The following SLC11A1 variants were observed in gnomAD, a reference collection of about 807,000 sequenced individuals.
The protein encoded by SLC11A1 is solute carrier family 11 member 1, also known as natural resistance-associated macrophage protein 1.
In SLC11A1, 59 loss-of-function variants were observed where a neutral mutation model predicts 63.2. That is an observed-to-expected ratio of 0.93 (90% CI 0.76 to 1.16). SLC11A1 has a LOEUF of 1.16. Among genes scored for constraint, SLC11A1 ranks in the 50% most tolerant of loss-of-function variants. The probability of loss-of-function intolerance (pLI) is 0.00; values close to 1 mark genes in which losing one functional copy is unlikely to be tolerated. For synonymous variants in SLC11A1, 305 were observed against 307.8 expected (o/e 0.99, Z 0.09); for missense variants, 688 against 730.7 (o/e 0.94, Z 0.67).
In SLC11A1 at chr2:218,384,283, C is replaced by T. The variant is rs750367937; in HGVS notation, c.191C>T (p.Pro64Leu). The T allele has an allele frequency of 2.1e-5, 33 of 1,608,576 alleles. No individual in the cohort carries two copies. Among genetic ancestry groups the T allele is most frequent in the Admixed American group, 1.0e-4 (6 of 59,768 alleles). The change falls in exon 3 of 15, where the codon CCT becomes CTT. Residue 64 changes from proline (P) to leucine (L), a missense_variant. Coordinates refer to ENST00000233202, the MANE Select transcript of SLC11A1 (RefSeq NM_000578.4). The surrounding 1 kb of genome is among the most constrained non-coding windows in gnomAD (Gnocchi z 4.0). ...SLRKLWAFTG[P>L]GFLMSIAFLD... ...CGGAAGCTATGGGCCTTCACGGGGC[C>T]TGGCTTCCTCATGAGCATTGCTTTC...
At position 218,395,286 on chromosome 2, in the gene SLC11A1, C is replaced by T; in HGVS notation, c.*251C>T. On this transcript the variant is annotated 3_prime_UTR_variant, in exon 15 of 15. Coordinates refer to ENST00000233202, the MANE Select transcript of SLC11A1 (RefSeq NM_000578.4). ...AAGCACTTTAACACAGTGTCTGGCACTTGGGACAAAAACAAACAAACGAAA... is the reference window on the plus strand; with the variant it reads ...AAGCACTTTAACACAGTGTCTGGCATTTGGGACAAAAACAAACAAACGAAA... 2 of 489,636 alleles carry T rather than the reference C, an allele frequency of 4.1e-6. No individual in the cohort carries two copies. The highest frequency in any genetic ancestry group is 7.3e-6 in the Non-Finnish European group (2 of 275,248). The allele number at this position is 489,636 out of a possible 1,614,324, so 30.3% of individuals were successfully genotyped here.
Position 218,386,704 on chromosome 2 carries a change from G to A in SLC11A1, c.463G>A (p.Gly155Ser), listed in dbSNP as rs1287354460. The change falls in exon 5 of 15, where the codon GGC becomes AGC. Residue 155 changes from glycine (G) to serine (S), a missense_variant. Transcript: ENST00000233202. ...IVGSDMQEVI[G>S]TAIAFNLLSA... Reference sequence around the variant, plus strand: ...GGGCTCCGACATGCAGGAAGTCATCGGCACGGCCATTGCATTCAATCTGCT... The same window carrying A: ...GGGCTCCGACATGCAGGAAGTCATCAGCACGGCCATTGCATTCAATCTGCT... 1.2e-5 allele frequency: 20 copies of A among 1,613,954 alleles called. No homozygotes were observed. Among genetic ancestry groups the A allele is most frequent in the African/African-American group, 1.1e-4 (8 of 74,906 alleles).
In SLC11A1 at chr2:218,390,043, C is replaced by A. The variant is rs369300816; in HGVS notation, c.954+15C>A. ...ACCAGGCTGCGGTGAGACACACTTT[C>A]CCCCGCACCTGAGGCCACACACGTA... On this transcript the variant is annotated intron_variant, in intron 9 of 14. Coordinates refer to ENST00000233202, the MANE Select transcript of SLC11A1 (RefSeq NM_000578.4). The A allele has an allele frequency of 1.2e-6, 2 of 1,602,720 alleles. No individual in the cohort carries two copies. Among genetic ancestry groups the A allele is most frequent in the East Asian group, 2.2e-5 (1 of 44,854 alleles).
chr2:218,387,656 C>T (rs747349839), intron 7 of SLC11A1, 24 bp downstream of exon 7: 3 of 1,613,490 alleles, frequency 1.9e-6, no homozygotes, highest in Non-Finnish European at 1.7e-6. Flanking sequence ...GCTGCAACCC[C>T]ACTGTGGACC....
chr2:218,387,537 TGTTTA>T (rs933204267), intron 6 of SLC11A1, 23 bp from the exon 7 acceptor site: 6 of 1,610,660 alleles, frequency 3.7e-6, no homozygotes, highest in Non-Finnish European at 5.1e-6. Flanking sequence ...TTCGTTGGTT[TGTTTA>T]GTTTGTTTGT....
Position 218,393,076 on chromosome 2 carries a change from C to A in SLC11A1, c.1260C>A (p.Asp420Glu). The change falls in exon 12 of 15, where the codon GAC becomes GAA. Residue 420 changes from aspartate (D) to glutamate (E), a missense_variant. Physicochemically the swap from Asp to Glu is conservative, Grantham distance 45 (BLOSUM62 2). Transcript: ENST00000233202. ...LPTVLVAVFR[D>E]LRDLSGLNDL... is the part of the protein sequence containing the mutation. ...CCGTGCTCGTGGCTGTCTTCCGGGA[C>A]CTGAGGGACTTGTCGGGCCTCAATG... 1.3e-6 allele frequency: 2 copies of A among 1,597,984 alleles called. No homozygotes were observed. The highest frequency in any genetic ancestry group is 1.7e-6 in the Non-Finnish European group (2 of 1,176,422).
chr2:218,385,103 AG>A (rs1696010814), intron 3 of SLC11A1, 43 bp from the exon 4 acceptor site: 1 of 1,609,990 alleles, frequency 6.2e-7, no homozygotes, highest in Admixed American at 1.7e-5. Flanking sequence ...GGGCTTTCTG[AG>A]GCTGGCCTCT....
At chr2:218,387,357 C>T in intron 6 of SLC11A1, 127 bp downstream of exon 6, 1 of 1,032,980 alleles carries the variant, frequency 9.7e-7, no homozygotes, top group Non-Finnish European at 1.4e-6. Flanking sequence ...TGGCCTCTAG[C>T]GAGTTACTTG....
intron 10 of SLC11A1, 24 bp downstream of exon 10, chr2:218,391,311 G>GC: frequency 3.1e-6 from 2 of 646,182 alleles, no homozygotes; most frequent in Admixed American, 1.9e-5. Context: ...GGTGGGGAGG[G>GC]CGTGACCCAG....
chr2:218,392,883 G>A, intron 11 of SLC11A1, 98 bp from the exon 12 acceptor site: 3 of 971,886 alleles, frequency 3.1e-6, no homozygotes, highest in African/African-American at 1.7e-5. Context: ...AACAGAGCAT[G>A]CCCCCAGGGA....
At chr2:218,394,891 G>C in intron 14 of SLC11A1, 34 bp from the exon 15 acceptor site, 1 of 1,607,194 alleles carries the variant, frequency 6.2e-7, no homozygotes, top group South Asian at 1.1e-5. Flanking sequence ...AGAGGTCTTG[G>C]CATCTCCCCA....
At chr2:218,386,180 C>T (rs1696086840) in intron 4 of SLC11A1, among the ~76,000 whole-genome samples, 1 of 152,114 alleles carries the variant, frequency 6.6e-6, no homozygotes, top group Non-Finnish European at 1.5e-5. Flanking sequence ...CAGCCTGGGG[C>T]GGTGGCTCAC....
rs148356067 is a variant in SLC11A1 at position 218,394,642 on chromosome 2, G to A, written c.1399G>A (p.Val467Ile). 6.2e-6 allele frequency: 10 copies of A among 1,613,682 alleles called. No homozygotes were observed. The African/African-American group carries it at 9.3e-5, about 15-fold the overall frequency. ...TCTCGTGTCCCCCAGGCTGAACAAG[G>A]TCGTCACCTCTTCCATCATGGTGCT... ...QEFANGLLNK[V>I]VTSSIMVLVC... Residue 467 changes from valine (V) to isoleucine (I), a missense_variant, in exon 14 of 15, where the codon GTC becomes ATC. By Grantham distance (29) the Val-to-Ile change is conservative. Coordinates refer to ENST00000233202, the MANE Select transcript of SLC11A1 (RefSeq NM_000578.4).
Position 218,395,930 on chromosome 2 carries a change from G to A in SLC11A1, c.*895G>A, listed in dbSNP as rs1696730647. The A allele has an allele frequency of 1.3e-5, 2 of 152,460 alleles. No individual in the cohort carries two copies. Among genetic ancestry groups the A allele is most frequent in the African/African-American group, 4.8e-5 (2 of 41,470 alleles). The allele number at this position is 152,460 out of a possible 1,614,324, so 9.4% of individuals were successfully genotyped here. Reference sequence around the variant, plus strand: ...AACCCATTTTCCAGACAGTAAAACGGCGGCGCACTTCTTTCTCCGTCAGGC... The same window carrying A: ...AACCCATTTTCCAGACAGTAAAACGACGGCGCACTTCTTTCTCCGTCAGGC... On this transcript the variant is annotated 3_prime_UTR_variant, in exon 15 of 15. Transcript: ENST00000233202.
In SLC11A1 at chr2:218,387,961, C is replaced by T; in HGVS notation, c.795+6C>T. ...TGCACTCGGCCCTGGTCAAGGTGAG[C>T]AGAGGGGAGGGGAAAGGAGACCCCC... is the stretch of plus-strand genomic sequence containing the variant. On this transcript the variant is annotated splice_donor_region_variant and intron_variant, in intron 8 of 14. Transcript: ENST00000233202. 1 of 1,597,082 alleles carries T rather than the reference C, an allele frequency of 6.3e-7. No homozygotes were observed. Among genetic ancestry groups the T allele is most frequent in the Admixed American group, 1.7e-5 (1 of 58,594 alleles).
intron 7 of SLC11A1, 64 bp from the exon 8 acceptor site, chr2:218,387,736 G>T: frequency 6.2e-7 from 1 of 1,612,080 alleles, no homozygotes; most frequent in South Asian, 1.1e-5. Flanking sequence ...TGGAGGCTGA[G>T]AAATGGTGAC....
chr2:218,391,590 C>G, intron 11 of SLC11A1, 95 bp downstream of exon 11: 2 of 1,279,448 alleles, frequency 1.6e-6, no homozygotes, highest in African/African-American at 3.0e-5. Flanking sequence ...GTCCTCTTTT[C>G]TTTTCTTTCT....
Position 218,387,566 on chromosome 2 carries a change from G to A in SLC11A1, c.573G>A (p.Gly191=). 6.2e-7 allele frequency: 1 copy of A among 1,614,200 alleles called. No individual in the cohort carries two copies. Among genetic ancestry groups the A allele is most frequent in the Non-Finnish European group, 8.5e-7 (1 of 1,180,020 alleles). ...TAGTTTGTTTGTTCTGCTCCGTAGG[G>A]CTGCGGAAGCTGGAAGCTTTTTTTG... is the stretch of plus-strand genomic sequence containing the variant. ...TFFFLFLDNY[G]LRKLEAFFGL... is the part of the protein sequence containing the mutation. Residue 191 remains glycine, a splice_region_variant and synonymous_variant, in exon 7 of 15, where the codon GGG becomes GGA. Transcript: ENST00000233202.
intron 11 of SLC11A1, 194 bp downstream of exon 11, chr2:218,391,689 A>G (rs748809620): frequency 6.2e-6 from 4 of 644,582 alleles, no homozygotes; most frequent in Non-Finnish European, 7.4e-6. Flanking sequence ...CAGTGGCGCG[A>G]TCTCGGCTCA....
Sources: allele counts gnomAD v4.1 joint callset (sites outside exome capture counted in the v4.1 genomes callset), GRCh38; gene constraint gnomAD v4.1.1; non-coding constraint Gnocchi (gnomAD v3.1); transcripts MANE v1.5; gene names NCBI Gene and HGNC (gene_info 2026-07-23, HGNC 2026-07-21).